The following AKAP19 variants were observed in gnomAD, a reference collection of about 807,000 sequenced individuals.
AKAP19 encodes small A-kinase anchoring protein.
the AKAP19 span, among the ~76,000 whole-genome samples, chr2:190,058,619 G>T: frequency 6.6e-6 from 1 of 151,818 alleles, no homozygotes; most frequent in Non-Finnish European, 1.5e-5. Context: ...GCCCATCAGC[G>T]GATGAATGGA....
chr2:189,973,685 T>C, the AKAP19 span, among the ~76,000 whole-genome samples: 3 of 152,204 alleles, frequency 2.0e-5, no homozygotes, highest in Non-Finnish European at 2.9e-5. Flanking sequence ...TATTCAGGGA[T>C]TCAACTTCTT....
chr2:189,935,165 A>T, the AKAP19 span, among the ~76,000 whole-genome samples: 1 of 152,086 alleles, frequency 6.6e-6, no homozygotes, highest in East Asian at 1.9e-4. Context: ...CATCCTTTTT[A>T]TTAAAGTATG....
At chr2:190,002,654 A>G in the AKAP19 span, among the ~76,000 whole-genome samples, 3 of 152,180 alleles carry the variant, frequency 2.0e-5, no homozygotes, top group Admixed American at 6.5e-5. Context: ...CTCACTCACT[A>G]TGGGATTGAA....
the AKAP19 span, among the ~76,000 whole-genome samples, chr2:190,081,367 T>C: frequency 6.6e-5 from 10 of 152,176 alleles, no homozygotes; most frequent in East Asian, 1.4e-3. Context: ...GCCTTTCCTC[T>C]CCTCTCCCTC....
chr2:190,195,479 C>T, the AKAP19 span, among the ~76,000 whole-genome samples: 1 of 152,160 alleles, frequency 6.6e-6, no homozygotes, highest in East Asian at 1.9e-4. Flanking sequence ...CATTATCTCA[C>T]TGTTTAAATT....
At chr2:189,975,786 G>A in the AKAP19 span, among the ~76,000 whole-genome samples, 36 of 152,118 alleles carry the variant, frequency 2.4e-4, no homozygotes, top group Non-Finnish European at 4.0e-4. Flanking sequence ...GGCTACTGAA[G>A]CTTGTGCATT....
At chr2:190,056,957 CAAG>C in the AKAP19 span, 2 of 330,776 alleles carry the variant, frequency 6.0e-6, no homozygotes, top group African/African-American at 4.2e-5. Flanking sequence ...CATCAGAACT[CAAG>C]GAGAATCGCT....
the AKAP19 span, among the ~76,000 whole-genome samples, chr2:190,015,425 G>A: frequency 2.3e-3 from 343 of 152,292 alleles, 4 homozygotes; most frequent in African/African-American, 7.7e-3. Context: ...TTGGGATGCA[G>A]GGTGCCAAGT....
At chr2:190,060,584 C>CA in the AKAP19 span, 8 of 705,248 alleles carry the variant, frequency 1.1e-5, no homozygotes, top group Non-Finnish European at 1.8e-5. Context: ...CTTTATAACT[C>CA]AAAAAAATGT....
the AKAP19 span, among the ~76,000 whole-genome samples, chr2:190,051,564 A>G: frequency 1.3e-5 from 2 of 152,206 alleles, no homozygotes; most frequent in African/African-American, 4.8e-5. Flanking sequence ...TCCCATAAGA[A>G]ACTTACTTGG....
At chr2:190,021,932 TGTCTA>T in the AKAP19 span, among the ~76,000 whole-genome samples, 1 of 152,288 alleles carries the variant, frequency 6.6e-6, no homozygotes, top group Middle Eastern at 3.4e-3. Flanking sequence ...TGAGGGGCTG[TGTCTA>T]GTATGAACCT....
the AKAP19 span, among the ~76,000 whole-genome samples, chr2:190,163,729 T>C: frequency 6.6e-6 from 1 of 152,204 alleles, no homozygotes; most frequent in African/African-American, 2.4e-5. Context: ...AGTAGGAAGA[T>C]AGGGGAAAGA....
At chr2:190,030,167 G>A in the AKAP19 span, among the ~76,000 whole-genome samples, 30 of 152,236 alleles carry the variant, frequency 2.0e-4, no homozygotes, top group Non-Finnish European at 3.2e-4. Flanking sequence ...TCATGTCCAT[G>A]TTATTGTACT....
At chr2:190,102,996 C>A in the AKAP19 span, among the ~76,000 whole-genome samples, 1 of 152,138 alleles carries the variant, frequency 6.6e-6, no homozygotes, top group Non-Finnish European at 1.5e-5. Flanking sequence ...TAATTCACCA[C>A]AATCAACTAG....
At chr2:190,126,303 AAAAAAAAAAAAAAAAAAAAAAG>A in the AKAP19 span, among the ~76,000 whole-genome samples, 1 of 129,028 alleles carries the variant, frequency 7.8e-6, no homozygotes, top group African/African-American at 3.1e-5. Context: ...AAAAAAAAAA[AAAAAAAAAAAAAAAAAAAAAAG>A]GTGTATATTT....
At chr2:189,966,261 G>A in the AKAP19 span, among the ~76,000 whole-genome samples, 1 of 151,996 alleles carries the variant, frequency 6.6e-6, no homozygotes, top group Admixed American at 6.6e-5. Context: ...GGTGATGGGT[G>A]CACCAAAATT....
the AKAP19 span, among the ~76,000 whole-genome samples, chr2:190,005,049 G>T: frequency 6.6e-6 from 1 of 152,172 alleles, no homozygotes; most frequent in African/African-American, 2.4e-5. Context: ...ATGTCCAGAT[G>T]TGTCCTGAGT....
the AKAP19 span, among the ~76,000 whole-genome samples, chr2:190,073,054 T>C: frequency 6.6e-6 from 1 of 152,138 alleles, no homozygotes; most frequent in African/African-American, 2.4e-5. Context: ...AATTTATAAC[T>C]TTTTTAAAGA....
the AKAP19 span, among the ~76,000 whole-genome samples, chr2:189,966,890 A>G: frequency 1.3e-5 from 2 of 152,228 alleles, no homozygotes; most frequent in African/African-American, 4.8e-5. Flanking sequence ...AGAAAAACCA[A>G]TGCACAGACT....
Sources: allele counts gnomAD v4.1 joint callset (sites outside exome capture counted in the v4.1 genomes callset), GRCh38; gene constraint gnomAD v4.1.1; transcripts MANE v1.5; gene names NCBI Gene and HGNC (gene_info 2026-07-23, HGNC 2026-07-21).